MORN1: variants seen among roughly 807,000 people sequenced by gnomAD.
MORN1 encodes MORN repeat containing 1.
A neutral mutation model predicts 61.9 loss-of-function variants in MORN1; 67 were observed. The observed-to-expected ratio is 1.08, with a 90% CI of 0.89 to 1.33. The LOEUF (loss-of-function observed/expected upper bound fraction) is 1.33, where lower values mean the gene tolerates loss of function less well. Among genes scored for constraint, MORN1 ranks in the 40% most tolerant of loss-of-function variants. The probability of loss-of-function intolerance (pLI) is 0.00; values close to 1 mark genes in which losing one functional copy is unlikely to be tolerated. For synonymous variants in MORN1, 301 were observed against 292.0 expected (o/e 1.03, Z -0.31); for missense variants, 752 against 691.2 (o/e 1.09, Z -0.99).
intron 8 of MORN1, among the ~76,000 whole-genome samples, chr1:2,366,818 G>A (rs781243372): frequency 2.0e-5 from 3 of 152,116 alleles, no homozygotes; most frequent in African/African-American, 7.2e-5. Context: ...TGACAGGTAT[G>A]AGGCACTGCA....
intron 10 of MORN1, among the ~76,000 whole-genome samples, chr1:2,355,628 A>G (rs1014868785): frequency 1.3e-5 from 2 of 152,210 alleles, no homozygotes; most frequent in African/African-American, 4.8e-5. Flanking sequence ...CACTTCAGCC[A>G]TGTGAGTCAC....
At chr1:2,373,937 G>A (rs990271204) in intron 7 of MORN1, among the ~76,000 whole-genome samples, 2 of 152,214 alleles carry the variant, frequency 1.3e-5, no homozygotes, top group Admixed American at 6.5e-5. Context: ...CGGTGCTGGC[G>A]GCACCTGCAC....
Position 2,391,510 on chromosome 1 carries a change from G to C in MORN1, c.24C>G (p.Thr8=). The part of the protein sequence containing the change: MAAAGEG[T]PSSRGPRRDP... ...CCCGACGCGGCCCGCGGGAGCTCGG[G>C]GTGCCCTCGCCCGCCGCTGCCATCT... is the stretch of plus-strand genomic sequence containing the variant. The change falls in exon 1 of 14, where the codon ACC becomes ACG. Residue 8 remains threonine (T), a synonymous_variant. Transcript: ENST00000378531. 8.0e-7 allele frequency: 1 copy of C among 1,251,074 alleles called. No homozygotes were observed. The highest frequency in any genetic ancestry group is 1.0e-6 in the Non-Finnish European group (1 of 991,762). 77.5% of individuals were successfully genotyped at this position (1,251,074 alleles called of 1,614,324 possible). A position where few individuals can be genotyped will look rare whatever the true frequency, so the allele number is the denominator to read the frequency against.
Position 2,372,293 on chromosome 1 carries a change from A to C in MORN1, c.745+188T>G, listed in dbSNP as rs937876297. Reference sequence around the variant, plus strand: ...TATGTGCACACATGCTTGCACACACACCCAAGGCTGCCCTGACTGGCAGGG... The same window carrying C: ...TATGTGCACACATGCTTGCACACACCCCCAAGGCTGCCCTGACTGGCAGGG... On this transcript the variant is annotated intron_variant, in intron 8 of 13. Coordinates refer to ENST00000378531, the MANE Select transcript of MORN1 (RefSeq NM_024848.3). The surrounding 1 kb of genome is among the most constrained non-coding windows in gnomAD (Gnocchi z 5.4). 5.2e-6 allele frequency: 3 copies of C among 579,370 alleles called. No individual in the cohort carries two copies. The highest frequency in any genetic ancestry group is 9.3e-6 in the Non-Finnish European group (3 of 322,548). The allele number at this position is 579,370 out of a possible 1,614,324, so 35.9% of individuals were successfully genotyped here. A position where few individuals can be genotyped will look rare whatever the true frequency, so the allele number is the denominator to read the frequency against.
At chr1:2,370,785 C>T (rs1025661145) in intron 8 of MORN1, among the ~76,000 whole-genome samples, 3 of 151,552 alleles carry the variant, frequency 2.0e-5, no homozygotes, top group Admixed American at 6.6e-5. Flanking sequence ...TCAAGGGACT[C>T]TCCCAATTTC....
rs1557873846 is a variant in MORN1 at position 2,342,892 on chromosome 1, T to TTTTATTTTA, written c.1037-6051_1037-6043dup. Among the ~76,000 whole-genome samples the TTTTATTTTA allele has an allele frequency of 5.4e-4, 76 of 139,646 alleles. 2 individuals are homozygous for TTTTATTTTA. The highest frequency in any genetic ancestry group is 2.0e-3 in the African/African-American group (74 of 37,410). 91.6% of individuals were successfully genotyped at this position (139,646 alleles called of 152,430 possible). On this transcript the variant is annotated intron_variant, in intron 10 of 13. Transcript: ENST00000378531. Reference sequence around the variant, plus strand: ...ATTTATTTTATTTTATTTTATTTTATTTTATTTTATTTTATTTTATTTTAA... The same window carrying TTTTATTTTA: ...ATTTATTTTATTTTATTTTATTTTATTTTATTTTATTTATTTTATTTTATTTTATTTTAA...
intron 6 of MORN1, chr1:2,377,624 T>G (rs894216576): frequency 6.6e-6 from 1 of 152,360 alleles, no homozygotes; most frequent in African/African-American, 2.4e-5. Flanking sequence ...CTGTTTTCTT[T>G]CCATGCTTTA....
intron 4 of MORN1, 187 bp from the exon 5 acceptor site, chr1:2,386,084 C>T (rs969948365): frequency 3.9e-5 from 23 of 592,424 alleles, no homozygotes; most frequent in East Asian, 8.4e-5. Flanking sequence ...CAGCACGGCT[C>T]GGTGAGGCTC....
At chr1:2,361,613 G>A (rs972010440) in intron 8 of MORN1, among the ~76,000 whole-genome samples, 7 of 152,118 alleles carry the variant, frequency 4.6e-5, no homozygotes, top group Non-Finnish European at 2.9e-5. Flanking sequence ...AACTTCTGGA[G>A]ATGAAAATTA....
intron 6 of MORN1, among the ~76,000 whole-genome samples, chr1:2,384,493 C>T (rs1323535115): frequency 6.6e-6 from 1 of 152,220 alleles, no homozygotes; most frequent in Non-Finnish European, 1.5e-5. Flanking sequence ...GGAGAAGCTC[C>T]CTTTTGTAAG....
rs374262546 is a variant in MORN1 at position 2,325,029 on chromosome 1, G to C, written c.1251-886C>G. On this transcript the variant is annotated intron_variant, in intron 12 of 13. Transcript: ENST00000378531. ...GCTGCAAGGACGAGGGGCTGGCTCT[G>C]TGTGGACACCCACCCTCCTCCCCGG... 1.8e-3 allele frequency among the ~76,000 whole-genome samples: 276 copies of C among 151,220 alleles called. 2 individuals are homozygous for C. The highest frequency in any genetic ancestry group is 6.5e-3 in the African/African-American group (267 of 40,984).
In MORN1 at chr1:2,388,195, G is replaced by C. The variant is rs770858618; in HGVS notation, c.247+44C>G. On this transcript the variant is annotated intron_variant, in intron 3 of 13. Transcript: ENST00000378531. Reference sequence around the variant, plus strand: ...CTCGGCGGACCAACTGAGCCCGATGGGTTATGAGAAAGGAGTGAATGTGCC... The same window carrying C: ...CTCGGCGGACCAACTGAGCCCGATGCGTTATGAGAAAGGAGTGAATGTGCC... 10 of 1,488,530 alleles carry C rather than the reference G, an allele frequency of 6.7e-6. No homozygotes were observed. The East Asian group carries it at 2.0e-4, about 30-fold the overall frequency. The allele number at this position is 1,488,530 out of a possible 1,614,324, so 92.2% of individuals were successfully genotyped here. A position where few individuals can be genotyped will look rare whatever the true frequency, so the allele number is the denominator to read the frequency against.
At chr1:2,351,521 C>T (rs953034398) in intron 10 of MORN1, 3 of 179,464 alleles carry the variant, frequency 1.7e-5, no homozygotes, top group Admixed American at 1.3e-4. Context: ...CTCCCCTTCT[C>T]CTCCGGTAAG....
intron 12 of MORN1, among the ~76,000 whole-genome samples, chr1:2,326,884 C>G (rs2643894): frequency 2.0e-5 from 3 of 152,070 alleles, no homozygotes; most frequent in Non-Finnish European, 4.4e-5. Context: ...GAAGACACAG[C>G]GACCCGGGCC....
intron 1 of MORN1, chr1:2,390,777 C>A: frequency 1.0e-6 from 1 of 977,434 alleles, no homozygotes; most frequent in Non-Finnish European, 1.2e-6. Context: ...GAGACTGAGT[C>A]TTGCTCTGTC....
rs748676888 is a variant in MORN1 at position 2,322,570 on chromosome 1, C to T, written c.1298-991G>A. On this transcript the variant is annotated intron_variant, in intron 13 of 13. Transcript: ENST00000378531. ...CAGCTCCTTTAGAAAAAAAAAAACA[C>T]GGTTCTGGGGGGCCTCGCCAGGGGG... is the stretch of plus-strand genomic sequence containing the variant. The T allele has an allele frequency of 7.1e-6, 7 of 984,908 alleles. No homozygotes were observed. The South Asian group carries it at 1.4e-4, about 20-fold the overall frequency. The allele number at this position is 984,908 out of a possible 1,614,324, so 61.0% of individuals were successfully genotyped here.
intron 8 of MORN1, among the ~76,000 whole-genome samples, chr1:2,361,464 A>T (rs1370055184): frequency 6.6e-6 from 1 of 152,170 alleles, no homozygotes; most frequent in Non-Finnish European, 1.5e-5. Flanking sequence ...AGGCTGAGGC[A>T]GGAGAATCAT....
intron 12 of MORN1, among the ~76,000 whole-genome samples, chr1:2,329,774 G>A (rs1641108621): frequency 6.6e-6 from 1 of 152,234 alleles, no homozygotes; most frequent in African/African-American, 2.4e-5. Flanking sequence ...GTCTATTTCA[G>A]ATAGTGTTCC....
intron 8 of MORN1, chr1:2,371,490 C>CA (rs776001200): frequency 1.3e-5 from 2 of 152,284 alleles, no homozygotes; most frequent in African/African-American, 2.4e-5. Context: ...TTCACACCCA[C>CA]AGGGCAGCTA....
Sources: allele counts gnomAD v4.1 joint callset (sites outside exome capture counted in the v4.1 genomes callset), GRCh38; gene constraint gnomAD v4.1.1; non-coding constraint Gnocchi (gnomAD v3.1); transcripts MANE v1.5; gene names NCBI Gene and HGNC (gene_info 2026-07-23, HGNC 2026-07-21).